The following KLHL29 variants were observed in gnomAD, a reference collection of about 807,000 sequenced individuals.
KLHL29 encodes the protein kelch like family member 29, also known as kelch-like protein 29.
A neutral mutation model predicts 80.4 loss-of-function variants in KLHL29; 21 were observed. The ratio of observed to expected loss-of-function variants is 0.26; its 90% CI spans 0.19 to 0.38. KLHL29 has a LOEUF of 0.38. KLHL29 is among the 10% of genes least tolerant of loss of function. The pLI is 1.00. For missense variants in KLHL29, 867 were observed against 1,223.9 expected (o/e 0.71, Z 4.35); for synonymous variants, 511 against 526.8 (o/e 0.97, Z 0.41).
chr2:23,698,994 A>G (rs1186136408), intron 11 of KLHL29, among the ~76,000 whole-genome samples: 10 of 152,256 alleles, frequency 6.6e-5, no homozygotes, highest in Admixed American at 6.5e-4. Flanking sequence ...TAAAAAGCAG[A>G]TATCTGAACT....
chr2:23,433,075 G>A (rs1663229664), intron 1 of KLHL29, among the ~76,000 whole-genome samples: 1 of 152,248 alleles, frequency 6.6e-6, no homozygotes, highest in Non-Finnish European at 1.5e-5. Context: ...CTTGATAAAG[G>A]GAGGGGAGCA....
In KLHL29 at chr2:23,562,638, T is replaced by C. The variant is rs1218004773; in HGVS notation, c.285+157T>C. Among the ~76,000 whole-genome samples the C allele has an allele frequency of 6.6e-6, 1 of 152,142 alleles. No individual in the cohort carries two copies. The highest frequency in any genetic ancestry group is 1.5e-5 in the Non-Finnish European group (1 of 68,016). On this transcript the variant is annotated intron_variant, in intron 3 of 13. Coordinates refer to ENST00000486442, the MANE Select transcript of KLHL29 (RefSeq NM_052920.2). The surrounding 1 kb of genome is among the most constrained non-coding windows in gnomAD (Gnocchi z 4.5). ...TTCCAGGACCTGGGCCTGGAAACTG[T>C]TTGCGAGCATTCATGCGGGTTTTAT...
intron 3 of KLHL29, among the ~76,000 whole-genome samples, chr2:23,613,443 AAC>A (rs1304371280): frequency 1.3e-5 from 2 of 152,240 alleles, no homozygotes; most frequent in African/African-American, 4.8e-5. Context: ...TAAGACAAGA[AAC>A]AATACTTCAT....
chr2:23,566,951 G>C (rs1667603311), intron 3 of KLHL29, among the ~76,000 whole-genome samples: 1 of 152,218 alleles, frequency 6.6e-6, no homozygotes, highest in Admixed American at 6.5e-5. Context: ...GCTGAAGAAA[G>C]GTGCATTGGC....
intron 2 of KLHL29, among the ~76,000 whole-genome samples, chr2:23,476,331 A>G (rs4665596): frequency 4.0e-5 from 6 of 151,876 alleles, no homozygotes; most frequent in Non-Finnish European, 8.8e-5. Flanking sequence ...ATTATTAAAT[A>G]TCATGAAAAT....
intron 5 of KLHL29, chr2:23,644,115 A>C (rs671119): frequency 6.6e-6 from 1 of 152,110 alleles, no homozygotes; most frequent in Non-Finnish European, 1.5e-5. Context: ...ACTGAGCCCT[A>C]ACTGCCTTTG....
intron 7 of KLHL29, 118 bp from the exon 8 acceptor site, chr2:23,693,151 T>G: frequency 8.7e-7 from 1 of 1,144,934 alleles, no homozygotes; most frequent in South Asian, 1.6e-5. Flanking sequence ...CTCTGGACAC[T>G]GCAGTCAGGG....
At chr2:23,593,446 C>A (rs1420654733) in intron 3 of KLHL29, among the ~76,000 whole-genome samples, 1 of 152,150 alleles carries the variant, frequency 6.6e-6, no homozygotes, top group Admixed American at 6.5e-5. Context: ...TCCCCAAGCC[C>A]GGTCTCCAGG....
chr2:23,434,933 C>T (rs550889400), intron 1 of KLHL29, among the ~76,000 whole-genome samples: 1 of 152,240 alleles, frequency 6.6e-6, no homozygotes, highest in African/African-American at 2.4e-5. Context: ...CAGAGGGAGG[C>T]TCTGGAAGTG....
intron 11 of KLHL29, among the ~76,000 whole-genome samples, chr2:23,701,489 G>T (rs1672361256): frequency 6.6e-6 from 1 of 152,156 alleles, no homozygotes; most frequent in Admixed American, 6.5e-5. Context: ...AAGGTGGGAG[G>T]ATTGCTTAAG....
At chr2:23,536,827 G>C (rs1489707757) in intron 2 of KLHL29, among the ~76,000 whole-genome samples, 1 of 152,006 alleles carries the variant, frequency 6.6e-6, no homozygotes, top group Non-Finnish European at 1.5e-5. Flanking sequence ...AAAGGAAAGA[G>C]AGTGACATTC....
chr2:23,396,319 G>A (rs1572479320), intron 1 of KLHL29, among the ~76,000 whole-genome samples: 1 of 152,186 alleles, frequency 6.6e-6, no homozygotes, highest in South Asian at 2.1e-4. Flanking sequence ...TGGGACCCTC[G>A]TAGCCACCCA....
intron 2 of KLHL29, among the ~76,000 whole-genome samples, chr2:23,483,421 C>T (rs1664851379): frequency 6.6e-6 from 1 of 152,202 alleles, no homozygotes; most frequent in Non-Finnish European, 1.5e-5. Flanking sequence ...GCCTTGAATG[C>T]CATGCTAACC....
intron 1 of KLHL29, among the ~76,000 whole-genome samples, chr2:23,470,197 TG>T (rs1277611321): frequency 6.6e-6 from 1 of 152,180 alleles, no homozygotes; most frequent in African/African-American, 2.4e-5. Flanking sequence ...AACTAGGAGA[TG>T]GGCCCTTTGG....
At chr2:23,447,246 A>G (rs1233953275) in intron 1 of KLHL29, among the ~76,000 whole-genome samples, 1 of 152,204 alleles carries the variant, frequency 6.6e-6, no homozygotes, top group Non-Finnish European at 1.5e-5. Flanking sequence ...ACTGCCATCC[A>G]GTCACTTGTT....
intron 3 of KLHL29, among the ~76,000 whole-genome samples, chr2:23,574,491 T>C (rs1246216761): frequency 5.3e-5 from 8 of 152,120 alleles, no homozygotes; most frequent in Non-Finnish European, 8.8e-5. Context: ...TTAAAATAAA[T>C]GCCCTGGTTC....
In KLHL29 at chr2:23,708,049, T is replaced by C. The variant is rs955576007; in HGVS notation, c.*1385T>C. 2.0e-5 allele frequency: 3 copies of C among 152,218 alleles called. No individual in the cohort carries two copies. Among genetic ancestry groups the C allele is most frequent in the African/African-American group, 7.2e-5 (3 of 41,444 alleles). The allele number at this position is 152,218 out of a possible 1,614,324, so 9.4% of individuals were successfully genotyped here. A position where few individuals can be genotyped will look rare whatever the true frequency, so the allele number is the denominator to read the frequency against. On this transcript the variant is annotated 3_prime_UTR_variant, in exon 14 of 14. Coordinates refer to ENST00000486442, the MANE Select transcript of KLHL29 (RefSeq NM_052920.2). ...TTGGTACCAAATACACATTTACCAC[T>C]TTTATATCTGGGAAGTCAACTTGCC...
At chr2:23,447,595 G>A (rs779503335) in intron 1 of KLHL29, among the ~76,000 whole-genome samples, 22 of 152,200 alleles carry the variant, frequency 1.4e-4, no homozygotes, top group Non-Finnish European at 1.6e-4. Flanking sequence ...CCTTGGCTGA[G>A]GCCCAGTTGT....
Position 23,463,355 on chromosome 2 carries a change from A to T in KLHL29, c.-153-12205A>T, listed in dbSNP as rs567132254. Among the ~76,000 whole-genome samples the T allele has an allele frequency of 5.3e-5, 8 of 152,106 alleles. No homozygotes were observed. In the South Asian group the frequency reaches 1.7e-3, roughly 32 times the overall value. ...CAGACACTAAAATTTATACTACATC[A>T]TATTTGTGTTAATTAGAGTCTTCTT... is the stretch of plus-strand genomic sequence containing the variant. On this transcript the variant is annotated intron_variant, in intron 1 of 13. Transcript: ENST00000486442.
Sources: allele counts gnomAD v4.1 joint callset (sites outside exome capture counted in the v4.1 genomes callset), GRCh38; gene constraint gnomAD v4.1.1; non-coding constraint Gnocchi (gnomAD v3.1); transcripts MANE v1.5; gene names NCBI Gene and HGNC (gene_info 2026-07-23, HGNC 2026-07-21).